UTRN: variants seen among roughly 807,000 people sequenced by gnomAD.
The protein encoded by UTRN is utrophin.
Under a neutral mutation model 463.9 loss-of-function variants are expected in UTRN, and 283 were observed. The ratio of observed to expected loss-of-function variants is 0.61; its 90% CI spans 0.55 to 0.67. The LOEUF (loss-of-function observed/expected upper bound fraction) is 0.67, where lower values mean the gene tolerates loss of function less well. Ranked by LOEUF, UTRN falls within the 30% of genes least tolerant of loss-of-function variation. The pLI is 0.00. For synonymous variants in UTRN, 1,442 were observed against 1,431.5 expected (o/e 1.01, Z -0.17); for missense variants, 3,922 against 4,084.3 (o/e 0.96, Z 1.08).
intron 51 of UTRN, among the ~76,000 whole-genome samples, chr6:144,633,078 A>G (rs559515647): frequency 1.3e-5 from 2 of 152,304 alleles, no homozygotes; most frequent in Non-Finnish European, 2.9e-5. Flanking sequence ...GGCATAATTT[A>G]GTATTTTGCC....
Position 144,819,089 on chromosome 6 carries a change from C to G in UTRN, c.9358-1793C>G, listed in dbSNP as rs535680938. The stretch of plus-strand genomic sequence containing the variant: ...TGCAGATCATTATGTAGTTAATATT[C>G]AGTTATTCAGGAAAAGATGGGTCAT... On this transcript the variant is annotated intron_variant, in intron 65 of 74. Coordinates refer to ENST00000367545, the MANE Select transcript of UTRN (RefSeq NM_007124.3). 9.2e-5 allele frequency among the ~76,000 whole-genome samples: 14 copies of G among 152,204 alleles called. No homozygotes were observed. The East Asian group carries it at 9.7e-4, about 11-fold the overall frequency.
chr6:144,494,387 G>A (rs1396023004), intron 33 of UTRN, among the ~76,000 whole-genome samples: 1 of 151,976 alleles, frequency 6.6e-6, no homozygotes, highest in Non-Finnish European at 1.5e-5. Flanking sequence ...TTGTGGTCTC[G>A]CTGGCTTCAG....
rs1788379796 is a variant in UTRN at position 144,730,303 on chromosome 6, T to C, written c.7810-54T>C. ...AAGTGGTATAGTTGAAGATGTCCCA[T>C]AATTTGGTGAACACGTGAGGTTACA... On this transcript the variant is annotated intron_variant, in intron 53 of 74. Coordinates refer to ENST00000367545, the MANE Select transcript of UTRN (RefSeq NM_007124.3). 40 of 1,464,264 alleles carry C rather than the reference T, an allele frequency of 2.7e-5. No individual in the cohort carries two copies. The South Asian group carries it at 5.7e-4, about 21-fold the overall frequency. 90.7% of individuals were successfully genotyped at this position (1,464,264 alleles called of 1,614,324 possible). A position where few individuals can be genotyped will look rare whatever the true frequency, so the allele number is the denominator to read the frequency against.
intron 2 of UTRN, among the ~76,000 whole-genome samples, chr6:144,364,441 T>A (rs1385046668): frequency 6.6e-6 from 1 of 152,108 alleles, no homozygotes; most frequent in African/African-American, 2.4e-5. Context: ...GGTGTAGATT[T>A]TGTGTGTGGG....
intron 2 of UTRN, among the ~76,000 whole-genome samples, chr6:144,399,838 A>G (rs1782781059): frequency 6.6e-6 from 1 of 152,204 alleles, no homozygotes; most frequent in Non-Finnish European, 1.5e-5. Flanking sequence ...AGTTTCCTTG[A>G]AGATTTATCA....
chr6:144,789,820 A>G (rs145003646), intron 62 of UTRN, among the ~76,000 whole-genome samples: 1 of 152,306 alleles, frequency 6.6e-6, no homozygotes, highest in African/African-American at 2.4e-5. Context: ...ATAAAACATG[A>G]TTTTTAAATT....
At chr6:144,761,137 A>T (rs1792623439) in intron 58 of UTRN, among the ~76,000 whole-genome samples, 1 of 152,156 alleles carries the variant, frequency 6.6e-6, no homozygotes, top group Non-Finnish European at 1.5e-5. Flanking sequence ...TTGATATCTT[A>T]AGTTAAAACT....
intron 2 of UTRN, among the ~76,000 whole-genome samples, chr6:144,361,602 T>G (rs979001896): frequency 3.3e-5 from 5 of 152,002 alleles, no homozygotes; most frequent in African/African-American, 1.2e-4. Flanking sequence ...TTATTTATCT[T>G]TTTTAGAGAC....
intron 2 of UTRN, among the ~76,000 whole-genome samples, chr6:144,304,991 G>A (rs1470307641): frequency 1.3e-5 from 2 of 151,360 alleles, no homozygotes; most frequent in Non-Finnish European, 2.9e-5. Flanking sequence ...GAGTGCAATG[G>A]CGCGATCTCG....
intron 54 of UTRN, among the ~76,000 whole-genome samples, chr6:144,736,991 G>A (rs1789489971): frequency 6.6e-6 from 1 of 152,114 alleles, no homozygotes; most frequent in East Asian, 1.9e-4. Flanking sequence ...CTTCCTGGAC[G>A]CTTTCCCTTC....
At position 144,447,709 on chromosome 6, in the gene UTRN, C is replaced by G; in HGVS notation, c.1830C>G (p.Ile610Met). ...ATAATTCCAAGGCATCTAAGAAGAT[C>G]AACAGTGACTCAGAGGAACTGACTC... ...LLDNSKASKKINSDSEELTQR... is the reference protein window; with the variant it reads ...LLDNSKASKKMNSDSEELTQR... Residue 610 changes from isoleucine to methionine, a missense_variant, in exon 16 of 75, where the codon ATC (isoleucine) becomes ATG (methionine). Physicochemically the swap from Ile to Met is conservative, Grantham distance 10. Transcript: ENST00000367545. 6.2e-7 allele frequency: 1 copy of G among 1,613,984 alleles called. No individual in the cohort carries two copies. The highest frequency in any genetic ancestry group is 1.1e-5 in the South Asian group (1 of 91,064).
At chr6:144,287,162 G>A (rs1803763950) in intron 1 of UTRN, among the ~76,000 whole-genome samples, 2 of 152,230 alleles carry the variant, frequency 1.3e-5, no homozygotes, top group African/African-American at 2.4e-5. Context: ...CAGGGTCAGG[G>A]GAGAGGTGGA....
chr6:144,294,169 G>A (rs73593332), intron 2 of UTRN, among the ~76,000 whole-genome samples: 2,724 of 151,986 alleles, frequency 0.018, 73 homozygotes, highest in African/African-American at 0.061. Flanking sequence ...TAGATGCCAA[G>A]GTTATGACTA....
chr6:144,333,507 C>T (rs957857724), intron 2 of UTRN, among the ~76,000 whole-genome samples: 1 of 152,138 alleles, frequency 6.6e-6, no homozygotes, highest in African/African-American at 2.4e-5. Flanking sequence ...CTTGTAAATT[C>T]TCTTATAATG....
intron 2 of UTRN, chr6:144,344,102 A>C (rs1473455029): frequency 1.0e-5 from 12 of 1,171,032 alleles, no homozygotes; most frequent in East Asian, 6.3e-5. Context: ...AAAAAAAAAA[A>C]AAAAAAAACC....
intron 2 of UTRN, among the ~76,000 whole-genome samples, chr6:144,312,788 C>T (rs74842175): frequency 0.019 from 2,927 of 152,198 alleles, 105 homozygotes; most frequent in African/African-American, 0.066. Flanking sequence ...CTCTCCTCTC[C>T]CATTTTATTT....
intron 51 of UTRN, among the ~76,000 whole-genome samples, chr6:144,640,939 T>C (rs1777699960): frequency 6.6e-6 from 1 of 152,136 alleles, no homozygotes; most frequent in Non-Finnish European, 1.5e-5. Flanking sequence ...TAAAGTGAAA[T>C]AAAAGATTTT....
intron 42 of UTRN, 78 bp downstream of exon 42, chr6:144,531,280 G>C: frequency 7.6e-7 from 1 of 1,309,178 alleles, no homozygotes; most frequent in Non-Finnish European, 1.0e-6. Flanking sequence ...CAGAAGTAGG[G>C]ACAAAATATA....
chr6:144,662,150 T>C (rs1779933484), intron 51 of UTRN, among the ~76,000 whole-genome samples: 1 of 152,220 alleles, frequency 6.6e-6, no homozygotes, highest in Non-Finnish European at 1.5e-5. Flanking sequence ...TTGATCTCTT[T>C]GGCCGTATTT....
Sources: allele counts gnomAD v4.1 joint callset (sites outside exome capture counted in the v4.1 genomes callset), GRCh38; gene constraint gnomAD v4.1.1; transcripts MANE v1.5; gene names NCBI Gene and HGNC (gene_info 2026-07-23, HGNC 2026-07-21).